The following LRP6 variants were observed in gnomAD, a reference collection of about 807,000 sequenced individuals.
LRP6 encodes low-density lipoprotein receptor-related protein 6.
Under a neutral mutation model 184.1 loss-of-function variants are expected in LRP6, and 43 were observed. The ratio of observed to expected loss-of-function variants is 0.23; its 90% CI spans 0.18 to 0.30. LRP6 has a LOEUF of 0.30. LRP6 is among the 10% of genes least tolerant of loss of function. LRP6 has a pLI of 1.00. For synonymous variants in LRP6, 719 were observed against 684.9 expected, an observed-to-expected ratio of 1.05 and a Z score of -0.78; for missense variants, 1,571 against 2,005.3, an observed-to-expected ratio of 0.78 and a Z score of 4.14.
chr12:12,198,734 A>C (rs1225061100), intron 3 of LRP6, among the ~76,000 whole-genome samples: 1 of 151,890 alleles, frequency 6.6e-6, no homozygotes, highest in Non-Finnish European at 1.5e-5. Context: ...GGGTTTCACC[A>C]TGTTGGCAAG....
intron 16 of LRP6, 102 bp downstream of exon 16, chr12:12,138,223 T>C (rs1949874273): frequency 3.5e-6 from 4 of 1,151,120 alleles, no homozygotes; most frequent in Admixed American, 1.7e-5. Flanking sequence ...TAAAAGTGCA[T>C]GAAAGTCTTC....
chr12:12,229,030 T>A (rs1210196508), intron 2 of LRP6, among the ~76,000 whole-genome samples: 1 of 152,094 alleles, frequency 6.6e-6, no homozygotes, highest in African/African-American at 2.4e-5. Context: ...AAAAACATTC[T>A]CAAGATCTGC....
chr12:12,224,157 C>T (rs1864555929), intron 2 of LRP6, among the ~76,000 whole-genome samples: 1 of 152,134 alleles, frequency 6.6e-6, no homozygotes, highest in Non-Finnish European at 1.5e-5. Flanking sequence ...TGCATTCCAT[C>T]CTGGAATCCC....
intron 3 of LRP6, among the ~76,000 whole-genome samples, chr12:12,192,959 A>G (rs11054724): frequency 0.39 from 59,644 of 151,896 alleles, 14,239 homozygotes; most frequent in East Asian, 0.76. Context: ...AACTTTCTCC[A>G]GGACACCACA....
At chr12:12,138,800 A>T (rs964076728) in intron 15 of LRP6, 1 of 1,450,552 alleles carries the variant, frequency 6.9e-7, no homozygotes, top group Non-Finnish European at 9.3e-7. Flanking sequence ...AACTTAGAAC[A>T]GTAGTTTGAA....
rs770302893 is a variant in LRP6 at position 12,120,356 on chromosome 12, G to A, written c.*770C>T. The A allele has an allele frequency of 1.3e-5, 2 of 151,920 alleles. No homozygotes were observed. Among genetic ancestry groups the A allele is most frequent in the Non-Finnish European group, 2.9e-5 (2 of 67,982 alleles). 9.4% of individuals were successfully genotyped at this position (151,920 alleles called of 1,614,324 possible). A position where few individuals can be genotyped will look rare whatever the true frequency, so the allele number is the denominator to read the frequency against. On this transcript the variant is annotated 3_prime_UTR_variant, in exon 23 of 23. Transcript: ENST00000261349. ...AGCTTAAAAAAATCATGGTATCTTAGCAAAATGACTTACCAAGTTGCTGGA... is the reference window on the plus strand; with the variant it reads ...AGCTTAAAAAAATCATGGTATCTTAACAAAATGACTTACCAAGTTGCTGGA...
At chr12:12,208,272 A>G (rs1864118469) in intron 2 of LRP6, among the ~76,000 whole-genome samples, 1 of 152,210 alleles carries the variant, frequency 6.6e-6, no homozygotes, top group South Asian at 2.1e-4. Flanking sequence ...GGGGAGGAGT[A>G]AGGGATTGAC....
intron 16 of LRP6, among the ~76,000 whole-genome samples, chr12:12,137,914 G>A (rs1487257993): frequency 1.3e-5 from 2 of 152,044 alleles, no homozygotes; most frequent in East Asian, 3.9e-4. Context: ...TGTAATCCCA[G>A]CACTTTGGGA....
At chr12:12,212,651 C>G (rs1320779363) in intron 2 of LRP6, among the ~76,000 whole-genome samples, 2 of 152,126 alleles carry the variant, frequency 1.3e-5, no homozygotes, top group Non-Finnish European at 2.9e-5. Flanking sequence ...TATTTTGCAA[C>G]TAGTTTGTCT....
chr12:12,157,822 A>C (rs1862635926), intron 12 of LRP6, among the ~76,000 whole-genome samples: 1 of 152,124 alleles, frequency 6.6e-6, no homozygotes, highest in Admixed American at 6.6e-5. Context: ...CGTATCTACC[A>C]ATTTGTTCTT....
chr12:12,156,139 TA>T (rs1430418391), intron 12 of LRP6, among the ~76,000 whole-genome samples: 1 of 152,124 alleles, frequency 6.6e-6, no homozygotes, highest in East Asian at 1.9e-4. Context: ...AAAGAAAAAG[TA>T]CAGATAAGGG....
chr12:12,125,296 T>C lies in LRP6; in HGVS notation c.4449A>G (p.Ala1483=), dbSNP rs1949657301. ...SSSTKGTYFP[A]ILNPPPSPAT... ...ATTCAAAGGAAAACAGACTACTTAC[T>C]GCAGGGAAGTAAGTGCCTTTGGTGC... The change falls in exon 21 of 23, where the codon GCA becomes GCG. Residue 1483 remains alanine, a splice_region_variant and synonymous_variant. Transcript: ENST00000261349. The C allele has an allele frequency of 2.5e-6, 4 of 1,613,986 alleles. No homozygotes were observed. The highest frequency in any genetic ancestry group is 3.4e-6 in the Non-Finnish European group (4 of 1,180,002).
intron 1 of LRP6, among the ~76,000 whole-genome samples, chr12:12,264,645 T>C (rs890275129): frequency 9.9e-5 from 15 of 152,204 alleles, no homozygotes; most frequent in African/African-American, 3.1e-4. Context: ...ATTTTTCTCC[T>C]TGGAGTCCAA....
At chr12:12,206,542 C>CAAA (rs60179716) in intron 2 of LRP6, among the ~76,000 whole-genome samples, 1 of 116,866 alleles carries the variant, frequency 8.6e-6, no homozygotes, top group Non-Finnish European at 1.8e-5. Flanking sequence ...GACTCCATCT[C>CAAA]AAAAAAAAAA....
chr12:12,124,276 G>C (rs1949642079), intron 22 of LRP6, among the ~76,000 whole-genome samples: 1 of 152,184 alleles, frequency 6.6e-6, no homozygotes, highest in Non-Finnish European at 1.5e-5. Context: ...GAGAGGCTGA[G>C]GCAGGAGAAT....
At chr12:12,220,751 A>G (rs1864466268) in intron 2 of LRP6, among the ~76,000 whole-genome samples, 1 of 151,906 alleles carries the variant, frequency 6.6e-6, no homozygotes, top group Admixed American at 6.6e-5. Context: ...GGAGTGCGCC[A>G]CCACACCCGG....
intron 20 of LRP6, 36 bp from the exon 21 acceptor site, chr12:12,125,468 A>G (rs1016716964): frequency 3.8e-6 from 6 of 1,591,688 alleles, no homozygotes; most frequent in Non-Finnish European, 4.3e-6. Flanking sequence ...GAAGATGAGT[A>G]TGATATATAA....
At chr12:12,178,603 T>A (rs1467188117) in intron 7 of LRP6, among the ~76,000 whole-genome samples, 1 of 152,302 alleles carries the variant, frequency 6.6e-6, no homozygotes, top group East Asian at 1.9e-4. Context: ...AAAATGAAGC[T>A]AAAAGCCTGT....
intron 4 of LRP6, chr12:12,186,679 GAC>G (rs1354839077): frequency 3.3e-5 from 10 of 302,984 alleles, no homozygotes; most frequent in African/African-American, 2.6e-4. Context: ...TTTTTTTTGA[GAC>G]ACAGTCTTTC....
Sources: allele counts gnomAD v4.1 joint callset (sites outside exome capture counted in the v4.1 genomes callset), GRCh38; gene constraint gnomAD v4.1.1; transcripts MANE v1.5; gene names NCBI Gene and HGNC (gene_info 2026-07-23, HGNC 2026-07-21).